TNPO2: variants seen among roughly 807,000 people sequenced by gnomAD.
TNPO2 encodes transportin 2, also known as transportin-2.
Under a neutral mutation model 111.1 loss-of-function variants are expected in TNPO2, and 16 were observed. The observed-to-expected ratio is 0.14, with a 90% CI of 0.10 to 0.22. The LOEUF (loss-of-function observed/expected upper bound fraction) is 0.22, where lower values mean the gene tolerates loss of function less well. TNPO2 is among the 10% of genes least tolerant of loss of function. The pLI is 1.00. For missense variants in TNPO2, 530 were observed against 1,173.7 expected, an observed-to-expected ratio of 0.45 and a Z score of 8.01; for synonymous variants, 481 against 475.8, an observed-to-expected ratio of 1.01 and a Z score of -0.14.
intron 5 of TNPO2, among the ~76,000 whole-genome samples, chr19:12,718,311 G>A (rs576259599): frequency 1.3e-5 from 2 of 152,180 alleles, no homozygotes; most frequent in South Asian, 4.1e-4. Context: ...GACCACAGGC[G>A]AGTGCCACCA....
rs1410828853 is a variant in TNPO2, at chr19:12,719,784, G to A, written c.100-448C>T. Among the ~76,000 whole-genome samples, 1 of 149,480 alleles carries A rather than the reference G, an allele frequency of 6.7e-6. No homozygotes were observed. The highest frequency in any genetic ancestry group is 1.5e-5 in the Non-Finnish European group (1 of 67,890). ...TCTGCATTCCAGTCTGGGCGACAGA[G>A]CAAGACTCCATCTTGAAAAAAAAAA... On this transcript the variant is annotated intron_variant, in intron 3 of 25. Transcript: ENST00000425528. The surrounding 1 kb of genome is among the most constrained non-coding windows in gnomAD (Gnocchi z 5.0).
chr19:12,718,972 G>T, intron 5 of TNPO2, 57 bp downstream of exon 5: 2 of 1,595,676 alleles, frequency 1.3e-6, no homozygotes, highest in Non-Finnish European at 1.7e-6. Context: ...CACTTAACAT[G>T]CTGAGAAGTG....
At chr19:12,714,198 G>A (rs2026234136) in intron 10 of TNPO2, among the ~76,000 whole-genome samples, 1 of 152,130 alleles carries the variant, frequency 6.6e-6, no homozygotes, top group Non-Finnish European at 1.5e-5. Flanking sequence ...GGAAGGTTGT[G>A]CCTAAGAATG....
chr19:12,706,112 G>A lies in TNPO2; in HGVS notation c.1668+84C>T. 5.4e-6 allele frequency: 8 copies of A among 1,491,518 alleles called. No homozygotes were observed. The highest frequency in any genetic ancestry group is 7.2e-6 in the Non-Finnish European group (8 of 1,103,566). The allele number at this position is 1,491,518 out of a possible 1,614,324, so 92.4% of individuals were successfully genotyped here. ...CTGTCGAGGTCACGGCCACGTCCCTGGCGTGCAACACGGGGTTGCCACCAG... is the reference window on the plus strand; with the variant it reads ...CTGTCGAGGTCACGGCCACGTCCCTAGCGTGCAACACGGGGTTGCCACCAG... On this transcript the variant is annotated intron_variant, in intron 15 of 25. Transcript: ENST00000425528. The surrounding 1 kb of genome is among the most constrained non-coding windows in gnomAD (Gnocchi z 7.0).
chr19:12,720,053 G>T lies in TNPO2; in HGVS notation c.100-717C>A, dbSNP rs374637739. 3.3e-5 allele frequency among the ~76,000 whole-genome samples: 5 copies of T among 151,602 alleles called. No homozygotes were observed. The East Asian group carries it at 9.7e-4, about 29-fold the overall frequency. ...TTATTTTCAGACAGAGTCTCACTCT[G>T]TCACTTAGGCTGGAGTGCAGTGGCA... On this transcript the variant is annotated intron_variant, in intron 3 of 25. Transcript: ENST00000425528.
In TNPO2 at chr19:12,713,621, G is replaced by A. The variant is rs139155354; in HGVS notation, c.890+1200C>T. Among the ~76,000 whole-genome samples, 882 of 152,290 alleles carry A rather than the reference G, an allele frequency of 5.8e-3. 10 individuals are homozygous for A. The highest frequency in any genetic ancestry group is 0.02 in the African/African-American group (836 of 41,562). On this transcript the variant is annotated intron_variant, in intron 10 of 25. Coordinates refer to ENST00000425528, the MANE Select transcript of TNPO2 (RefSeq NM_001382241.1). ...GTCAGGAAGCTGAGGCAAGAGAATC[G>A]CTTGAACCCGAGGGGCGGAGGTTGC...
intron 10 of TNPO2, 59 bp from the exon 11 acceptor site, chr19:12,711,672 G>C: frequency 6.6e-7 from 1 of 1,504,306 alleles, no homozygotes; most frequent in Non-Finnish European, 9.1e-7. Context: ...TTGGGGGGAG[G>C]CACAGCTTGG....
chr19:12,722,582 A>G (rs1377392210), intron 2 of TNPO2: 70 of 149,706 alleles, frequency 4.7e-4, no homozygotes, highest in Admixed American at 8.7e-4. Context: ...AAAAAAAAAA[A>G]AAAGAAAGAA....
chr19:12,710,517 G>A, intron 13 of TNPO2, 104 bp downstream of exon 13: 3 of 1,350,208 alleles, frequency 2.2e-6, no homozygotes, highest in Non-Finnish European at 3.0e-6. Context: ...TTGGAGTGGG[G>A]TGAGTAGGCC....
rs1372934225 is a variant in TNPO2 at position 12,719,783 on chromosome 19, A to C, written c.100-447T>G. Among the ~76,000 whole-genome samples the C allele has an allele frequency of 6.7e-6, 1 of 150,148 alleles. No individual in the cohort carries two copies. The highest frequency in any genetic ancestry group is 2.5e-5 in the African/African-American group (1 of 39,822). Reference sequence around the variant, plus strand: ...CTCTGCATTCCAGTCTGGGCGACAGAGCAAGACTCCATCTTGAAAAAAAAA... The same window carrying C: ...CTCTGCATTCCAGTCTGGGCGACAGCGCAAGACTCCATCTTGAAAAAAAAA... On this transcript the variant is annotated intron_variant, in intron 3 of 25. Transcript: ENST00000425528. The surrounding 1 kb of genome is among the most constrained non-coding windows in gnomAD (Gnocchi z 5.0).
intron 13 of TNPO2, 42 bp downstream of exon 13, chr19:12,710,579 A>G (rs2025979288): frequency 1.2e-6 from 2 of 1,603,370 alleles, no homozygotes; most frequent in African/African-American, 1.3e-5. Flanking sequence ...CCAGCCCTAC[A>G]GTCTCATGCC....
In TNPO2 at chr19:12,715,282, C is replaced by T. The variant is rs1025221845; in HGVS notation, c.609G>A (p.Arg203=). Residue 203 remains arginine (R), a synonymous_variant, in exon 8 of 26, where the codon CGG becomes CGA. Transcript: ENST00000425528. This position sits in a 1 kb window ranked among gnomAD's most constrained non-coding sequence, Gnocchi z 7.1. ...CAATATTGTCCATCAGCGCCTGGGC[C>T]CGGTCCATGATGAACTGGTTCACGC... ...IACVNQFIMD[R]AQALMDNIDT... 18 of 1,613,620 alleles carry T rather than the reference C, an allele frequency of 1.1e-5. No individual in the cohort carries two copies. The highest frequency in any genetic ancestry group is 1.4e-5 in the Non-Finnish European group (17 of 1,179,766).
In TNPO2 at chr19:12,721,410, C is replaced by CG. The variant is rs766431144; in HGVS notation, c.-13-421dup. On this transcript the variant is annotated intron_variant, in intron 2 of 25. Coordinates refer to ENST00000425528, the MANE Select transcript of TNPO2 (RefSeq NM_001382241.1). This position sits in a 1 kb window ranked among gnomAD's most constrained non-coding sequence, Gnocchi z 4.9. ...CAGACCGTGATAGCGCCCCGGCCCC[C>CG]GTGGTCTCTTCTATGCAGGCACAGT... The CG allele has an allele frequency of 1.7e-5, 13 of 765,320 alleles. No individual in the cohort carries two copies. The South Asian group carries it at 1.7e-4, about 10-fold the overall frequency. The allele number at this position is 765,320 out of a possible 1,614,324, so 47.4% of individuals were successfully genotyped here. A position where few individuals can be genotyped will look rare whatever the true frequency, so the allele number is the denominator to read the frequency against.
intron 18 of TNPO2, among the ~76,000 whole-genome samples, chr19:12,704,882 C>T (rs749661657): frequency 2.0e-5 from 3 of 152,064 alleles, no homozygotes; most frequent in South Asian, 2.1e-4. Flanking sequence ...AGGATTTCAC[C>T]GTGTTGGCCA....
chr19:12,701,056 G>T lies in TNPO2; in HGVS notation c.*208C>A. 5.6e-6 allele frequency: 2 copies of T among 356,246 alleles called. No individual in the cohort carries two copies. Among genetic ancestry groups the T allele is most frequent in the Non-Finnish European group, 5.2e-6 (1 of 194,100 alleles). The allele number at this position is 356,246 out of a possible 1,614,324, so 22.1% of individuals were successfully genotyped here. ...CCCCCCACCTCCCCGTTTGTAGGAT[G>T]AGCATGGTGGCCCCACCCACCTGCC... is the stretch of plus-strand genomic sequence containing the variant. On this transcript the variant is annotated 3_prime_UTR_variant, in exon 26 of 26. Coordinates refer to ENST00000425528, the MANE Select transcript of TNPO2 (RefSeq NM_001382241.1). The surrounding 1 kb of genome is among the most constrained non-coding windows in gnomAD (Gnocchi z 5.0).
intron 19 of TNPO2, 47 bp from the exon 20 acceptor site, chr19:12,703,573 A>G (rs772151097): frequency 6.3e-7 from 1 of 1,597,836 alleles, no homozygotes; most frequent in East Asian, 2.2e-5. Context: ...CAGCCAGGGT[A>G]AGCTGCAGGA....
chr19:12,708,514 A>G (rs927879489), intron 13 of TNPO2, among the ~76,000 whole-genome samples: 2 of 152,128 alleles, frequency 1.3e-5, no homozygotes, highest in Non-Finnish European at 2.9e-5. Flanking sequence ...CAATAATCCA[A>G]GACACAAGAT....
chr19:12,715,750 C>T lies in TNPO2; in HGVS notation c.326-11G>A. ...TGGTGATGAGAATGCCTGGGGCGGCCGGGAAAGGACGCTGCCTGAGGCTGG... is the reference window on the plus strand; with the variant it reads ...TGGTGATGAGAATGCCTGGGGCGGCTGGGAAAGGACGCTGCCTGAGGCTGG... On this transcript the variant is annotated splice_polypyrimidine_tract_variant and intron_variant, in intron 5 of 25. Transcript: ENST00000425528. This position sits in a 1 kb window ranked among gnomAD's most constrained non-coding sequence, Gnocchi z 7.1. 1 of 1,597,290 alleles carries T rather than the reference C, an allele frequency of 6.3e-7. No homozygotes were observed. The highest frequency in any genetic ancestry group is 8.5e-7 in the Non-Finnish European group (1 of 1,172,880).
intron 5 of TNPO2, among the ~76,000 whole-genome samples, chr19:12,718,487 G>A (rs2026489854): frequency 6.6e-6 from 1 of 151,986 alleles, no homozygotes; most frequent in Non-Finnish European, 1.5e-5. Flanking sequence ...TGTATTTTAA[G>A]TAGAGACGGG....
Sources: allele counts gnomAD v4.1 joint callset (sites outside exome capture counted in the v4.1 genomes callset), GRCh38; gene constraint gnomAD v4.1.1; non-coding constraint Gnocchi (gnomAD v3.1); transcripts MANE v1.5; gene names NCBI Gene and HGNC (gene_info 2026-07-23, HGNC 2026-07-21).